The following EPS15 variants were observed in gnomAD, a reference collection of about 807,000 sequenced individuals.
EPS15 encodes epidermal growth factor receptor pathway substrate 15.
In EPS15, 72 loss-of-function variants were observed where a neutral mutation model predicts 113.8. That is an observed-to-expected ratio of 0.63 (90% CI 0.52 to 0.77). The LOEUF is 0.77. EPS15 is among the 30% of genes least tolerant of loss of function. The pLI, the probability that EPS15 is intolerant of heterozygous loss-of-function variation, is 0.00. For missense variants in EPS15, 1,048 were observed against 1,045.8 expected, an observed-to-expected ratio of 1.00 and a Z score of -0.03; for synonymous variants, 344 against 363.4, an observed-to-expected ratio of 0.95 and a Z score of 0.61.
At chr1:51,386,282 G>A (rs1258314733) in intron 21 of EPS15, among the ~76,000 whole-genome samples, 2 of 152,152 alleles carry the variant, frequency 1.3e-5, no homozygotes, top group East Asian at 1.9e-4. Flanking sequence ...GAAAAGTAAA[G>A]TAATTTATAT....
intron 1 of EPS15, among the ~76,000 whole-genome samples, chr1:51,507,441 T>C (rs1031676829): frequency 6.6e-6 from 1 of 151,718 alleles, no homozygotes; most frequent in African/African-American, 2.4e-5. Context: ...GGCGGGTAGA[T>C]CACAAGATCA....
chr1:51,482,386 A>C (rs1644035915), intron 1 of EPS15, among the ~76,000 whole-genome samples: 1 of 152,190 alleles, frequency 6.6e-6, no homozygotes, highest in East Asian at 1.9e-4. Context: ...GTCTAAAAAG[A>C]ACAGCAAGAA....
chr1:51,489,010 G>A (rs140503705), intron 1 of EPS15, among the ~76,000 whole-genome samples: 230 of 151,404 alleles, frequency 1.5e-3, no homozygotes, highest in Middle Eastern at 3.4e-3. Flanking sequence ...ACAGCAACAC[G>A]AGAAAAAAAG....
chr1:51,503,370 T>A (rs1026950384), intron 1 of EPS15, among the ~76,000 whole-genome samples: 2 of 152,146 alleles, frequency 1.3e-5, no homozygotes, highest in African/African-American at 4.8e-5. Flanking sequence ...GCGCGGTGGG[T>A]CATGCCTGTA....
chr1:51,483,762 C>G (rs530643469), intron 1 of EPS15, among the ~76,000 whole-genome samples: 70 of 150,128 alleles, frequency 4.7e-4, no homozygotes, highest in African/African-American at 1.4e-3. Flanking sequence ...GCTGAAATCA[C>G]GCCACTGCAC....
intron 12 of EPS15, among the ~76,000 whole-genome samples, chr1:51,437,432 C>A (rs1204750056): frequency 1.3e-5 from 2 of 150,708 alleles, no homozygotes; most frequent in African/African-American, 4.9e-5. Flanking sequence ...ACAGTAATTA[C>A]AATTTCACAT....
intron 6 of EPS15, among the ~76,000 whole-genome samples, chr1:51,464,453 G>A (rs1654703592): frequency 6.6e-6 from 1 of 151,904 alleles, no homozygotes; most frequent in Non-Finnish European, 1.5e-5. Context: ...TGTTGGCCAG[G>A]CTGGTCTCGA....
chr1:51,500,815 C>G lies in EPS15; in HGVS notation c.33+18384G>C, dbSNP rs1288089704. Among the ~76,000 whole-genome samples the G allele has an allele frequency of 3.3e-5, 5 of 151,450 alleles. No homozygotes were observed. In the East Asian group the frequency reaches 9.8e-4, roughly 30 times the overall value. On this transcript the variant is annotated intron_variant, in intron 1 of 24. Coordinates refer to ENST00000371733, the MANE Select transcript of EPS15 (RefSeq NM_001981.3). ...CCTGGCCAACATGGTGAAACCCCAT[C>G]TCTACTAAAAACACAAATATTAGCA...
intron 1 of EPS15, among the ~76,000 whole-genome samples, chr1:51,503,600 C>T (rs994753934): frequency 1.3e-5 from 2 of 152,102 alleles, no homozygotes; most frequent in Non-Finnish European, 2.9e-5. Flanking sequence ...CGAGTTTGCA[C>T]CACAGCACTC....
At chr1:51,437,275 T>C (rs1052288427) in intron 12 of EPS15, among the ~76,000 whole-genome samples, 2 of 152,132 alleles carry the variant, frequency 1.3e-5, no homozygotes, top group African/African-American at 2.4e-5. Context: ...AATATTTCCA[T>C]TGGTTTGCAA....
chr1:51,355,811 G>C lies in EPS15; in HGVS notation c.*889C>G, dbSNP rs535997879. 2.0e-5 allele frequency: 4 copies of C among 196,976 alleles called. No homozygotes were observed. Among genetic ancestry groups the C allele is most frequent in the African/African-American group, 9.3e-5 (4 of 43,242 alleles). 12.2% of individuals were successfully genotyped at this position (196,976 alleles called of 1,614,324 possible). On this transcript the variant is annotated 3_prime_UTR_variant, in exon 25 of 25. Coordinates refer to ENST00000371733, the MANE Select transcript of EPS15 (RefSeq NM_001981.3). ...AAAAGTACAAAAATTAACCCACTAA[G>C]AACTAAACAGGACAGGGCCACGGCA...
At chr1:51,413,873 C>A (rs553848147) in intron 13 of EPS15, among the ~76,000 whole-genome samples, 1 of 152,216 alleles carries the variant, frequency 6.6e-6, no homozygotes, top group African/African-American at 2.4e-5. Context: ...CTCAGCCTCC[C>A]AAGTAGCTGA....
chr1:51,496,573 C>T (rs2148544731), intron 1 of EPS15, among the ~76,000 whole-genome samples: 1 of 152,304 alleles, frequency 6.6e-6, no homozygotes, highest in East Asian at 1.9e-4. Flanking sequence ...TCAAAGCTTT[C>T]TTCACATTCA....
chr1:51,390,216 A>G (rs1647230217), intron 21 of EPS15, among the ~76,000 whole-genome samples: 1 of 152,208 alleles, frequency 6.6e-6, no homozygotes, highest in African/African-American at 2.4e-5. Flanking sequence ...CAATGAGGAA[A>G]GGATTCCCTA....
At chr1:51,447,445 A>T (rs907176871) in intron 9 of EPS15, among the ~76,000 whole-genome samples, 1 of 152,184 alleles carries the variant, frequency 6.6e-6, no homozygotes, top group African/African-American at 2.4e-5. Context: ...GATAATTCTC[A>T]ATCTTTATTT....
intron 2 of EPS15, among the ~76,000 whole-genome samples, chr1:51,474,312 T>C (rs1655447911): frequency 6.6e-6 from 1 of 152,208 alleles, no homozygotes; most frequent in Non-Finnish European, 1.5e-5. Flanking sequence ...ATAGTCTGTA[T>C]CTATAAGACA....
At chr1:51,458,555 G>A (rs1367279711) in intron 8 of EPS15, 6 of 444,338 alleles carry the variant, frequency 1.4e-5, no homozygotes, top group East Asian at 7.5e-5. Context: ...TGGCAAACAC[G>A]GCGAAACGCT....
chr1:51,505,572 T>C (rs993344207), intron 1 of EPS15, among the ~76,000 whole-genome samples: 1 of 152,150 alleles, frequency 6.6e-6, no homozygotes, highest in African/African-American at 2.4e-5. Context: ...TCTGAGGTGA[T>C]AAAATTGTTC....
chr1:51,413,811 T>C (rs1479288993), intron 13 of EPS15, among the ~76,000 whole-genome samples: 1 of 152,154 alleles, frequency 6.6e-6, no homozygotes, highest in African/African-American at 2.4e-5. Context: ...TGCAGTGGTA[T>C]AATCACGGCT....
Sources: gnomAD v4.1 joint callset for allele counts (sites outside exome capture counted in the v4.1 genomes callset) on GRCh38, gnomAD v4.1.1 for gene constraint, MANE v1.5 for transcripts, NCBI Gene and HGNC (gene_info 2026-07-23, HGNC 2026-07-21) for gene names.